Variants in MAPK3 observed in about 807,000 individuals in gnomAD.
MAPK3 encodes mitogen-activated protein kinase 3.
MAPK3 carries 30 observed loss-of-function variants against 41.8 expected under a neutral mutation model. The ratio of observed to expected loss-of-function variants is 0.72; its 90% confidence interval spans 0.54 to 0.97. The LOEUF is 0.97. Ranked by LOEUF, MAPK3 falls within the 50% of genes least tolerant of loss-of-function variation. The pLI, the probability that MAPK3 is intolerant of heterozygous loss-of-function variation, is 0.00. For missense variants in MAPK3, 413 were observed against 509.9 expected, an observed-to-expected ratio of 0.81 and a Z score of 1.83; for synonymous variants, 222 against 213.4, an observed-to-expected ratio of 1.04 and a Z score of -0.35.
intron 1 of MAPK3, 88 bp downstream of exon 1, chr16:30,122,952 C>G: frequency 8.3e-7 from 1 of 1,197,670 alleles, no homozygotes; most frequent in Non-Finnish European, 1.1e-6. Flanking sequence ...CGCGTCTCCA[C>G]GTCCCGGAAA....
rs2072955611 is a variant in MAPK3 at position 30,116,582 on chromosome 16, A to G, written c.*32+54T>C. On this transcript the variant is annotated intron_variant, in intron 8 of 8. Transcript: ENST00000263025. ...CAGATAGATATAGATATAGATATAC[A>G]GATATAGATATTTAGTATCAGGGTG... 3.9e-6 allele frequency: 6 copies of G among 1,529,824 alleles called. No homozygotes were observed. The Admixed American group carries it at 1.1e-4, about 27-fold the overall frequency. The allele number at this position is 1,529,824 out of a possible 1,614,324, so 94.8% of individuals were successfully genotyped here.
chr16:30,121,927 G>A lies in MAPK3; in HGVS notation c.250C>T (p.Arg84Cys), dbSNP rs781660515. The change falls in exon 2 of 9, where the codon CGC becomes TGC. Residue 84 changes from arginine (R) to cysteine (C), a missense_variant. This residue lies in a region of MAPK3 where 145 missense variants were observed against 133.0 expected (regional missense o/e 1.09). Coordinates refer to ENST00000263025, the MANE Select transcript of MAPK3 (RefSeq NM_002746.3). ...SPFEHQTYCQRTLREIQILLR... is the reference protein window; with the variant it reads ...SPFEHQTYCQCTLREIQILLR... ...AGGATCTGGATCTCCCGGAGCGTGC[G>A]CTGGCAGTAGGTCTGATGTTCGAAG... The A allele has an allele frequency of 1.9e-6, 3 of 1,614,160 alleles. No individual in the cohort carries two copies. Among genetic ancestry groups the A allele is most frequent in the Non-Finnish European group, 2.5e-6 (3 of 1,180,028 alleles).
At chr16:30,117,642 C>T (rs756379290) in intron 5 of MAPK3, 28 bp downstream of exon 5, 45 of 1,574,064 alleles carry the variant, frequency 2.9e-5, no homozygotes, top group Non-Finnish European at 3.6e-5. Context: ...CTAATCATCC[C>T]CAACTCAGCC....
chr16:30,122,721 G>C, intron 1 of MAPK3: 2 of 277,784 alleles, frequency 7.2e-6, no homozygotes, highest in Non-Finnish European at 1.4e-5. Flanking sequence ...GCCTCCCCGA[G>C]AGTACTCATC....
At chr16:30,116,484 TG>T (rs1031422101) in intron 8 of MAPK3, among the ~76,000 whole-genome samples, 151 bp downstream of exon 8, 1 of 152,190 alleles carries the variant, frequency 6.6e-6, no homozygotes, top group African/African-American at 2.4e-5. Flanking sequence ...CCCAGCCCCC[TG>T]GGCACTTCTG....
rs2072962880 is a variant in MAPK3 at position 30,116,954 on chromosome 16, G to A, written c.957C>T (p.Ile319=). The A allele has an allele frequency of 3.1e-6, 5 of 1,613,446 alleles. No homozygotes were observed. Among genetic ancestry groups the A allele is most frequent in the Non-Finnish European group, 4.2e-6 (5 of 1,179,644 alleles). The change falls in exon 7 of 9, where the codon ATC becomes ATT. Residue 319 remains isoleucine (I), a synonymous_variant. Transcript: ENST00000263025. ...RMLTFNPNKR[I]TVEEALAHPY... ...GGTGAGCCAGCGCTTCCTCCACTGT[G>A]ATCCGTTTATTGGGGTTAAAGGTTA...
chr16:30,118,939 G>C (rs1220656744), intron 2 of MAPK3, among the ~76,000 whole-genome samples: 1 of 151,918 alleles, frequency 6.6e-6, no homozygotes, highest in Non-Finnish European at 1.5e-5. Flanking sequence ...AGGAGTTTGA[G>C]ACCACCAGCC....
At chr16:30,116,835 GCCTA>G (rs748275344) in intron 7 of MAPK3, 45 bp from the exon 8 acceptor site, 86 of 1,613,346 alleles carry the variant, frequency 5.3e-5, no homozygotes, top group Middle Eastern at 3.3e-4. Context: ...CATGGGGGAT[GCCTA>G]CGTGCCCCCC....
Position 30,116,689 on chromosome 16 carries a change from G to C in MAPK3, c.1119C>G (p.Pro373=). The C allele has an allele frequency of 1.9e-6, 3 of 1,613,626 alleles. No individual in the cohort carries two copies. The highest frequency in any genetic ancestry group is 1.1e-5 in the South Asian group (1 of 91,062). The change falls in exon 8 of 9, where the codon CCC becomes CCG. Residue 373 remains proline, a synonymous_variant. Transcript: ENST00000263025. ...LIFQETARFQ[P]GVLEAP Reference sequence around the variant, plus strand: ...TGGGCTAGGGGGCCTCCAGCACTCCGGGCTGGAAGCGTGCTGTCTCCTGGA... The same window carrying C: ...TGGGCTAGGGGGCCTCCAGCACTCCCGGCTGGAAGCGTGCTGTCTCCTGGA...
Position 30,116,638 on chromosome 16 carries a change from G to A in MAPK3, c.*30C>T, listed in dbSNP as rs2072956344. ...GTGTGGGCCATGGAGACACTCACCA[G>A]GCCCCAGGGTGCAGAGATGTCTGTC... On this transcript the variant is annotated splice_region_variant and 3_prime_UTR_variant, in exon 8 of 9. Coordinates refer to ENST00000263025, the MANE Select transcript of MAPK3 (RefSeq NM_002746.3). 14 of 1,611,198 alleles carry A rather than the reference G, an allele frequency of 8.7e-6. No homozygotes were observed. The highest frequency in any genetic ancestry group is 1.2e-5 in the Non-Finnish European group (14 of 1,179,590).
chr16:30,119,136 T>G (rs61764211), intron 2 of MAPK3, among the ~76,000 whole-genome samples: 320 of 147,654 alleles, frequency 2.2e-3, no homozygotes, highest in Non-Finnish European at 3.1e-3. Flanking sequence ...AGTGAGACTC[T>G]GTCTCAAAAA....
chr16:30,119,709 C>T (rs1452787006), intron 2 of MAPK3, among the ~76,000 whole-genome samples: 3 of 152,208 alleles, frequency 2.0e-5, no homozygotes, highest in Admixed American at 2.0e-4. Flanking sequence ...CTCCCAACAG[C>T]ACACTCCCAC....
intron 5 of MAPK3, 88 bp downstream of exon 5, chr16:30,117,582 C>T (rs570881894): frequency 5.1e-5 from 51 of 999,378 alleles, no homozygotes; most frequent in Non-Finnish European, 5.8e-5. Context: ...GCACCCCACA[C>T]GTGGTGGTAT....
intron 6 of MAPK3, 26 bp from the exon 7 acceptor site, chr16:30,117,029 C>A (rs2151044925): frequency 6.3e-7 from 1 of 1,592,832 alleles, no homozygotes; most frequent in Non-Finnish European, 8.6e-7. Flanking sequence ...AGTCAGGGGT[C>A]ACAGGGAAGA....
At position 30,117,694 on chromosome 16, in the gene MAPK3, G is replaced by A. The variant is rs1476255269; in HGVS notation, c.751C>T (p.Leu251=). The change falls in exon 5 of 9, where the codon CTG becomes TTG. Residue 251 remains leucine, a synonymous_variant. Coordinates refer to ENST00000263025, the MANE Select transcript of MAPK3 (RefSeq NM_002746.3). ...CCCAGAATGTGGTTGAGCTGATCCA[G>A]GTAGTGCTTGCCAGGGAAGATGGGC... ...NRPIFPGKHY[L]DQLNHILGIL... The A allele has an allele frequency of 6.2e-7, 1 of 1,613,930 alleles. No individual in the cohort carries two copies. Among genetic ancestry groups the A allele is most frequent in the Admixed American group, 1.7e-5 (1 of 59,998 alleles).
chr16:30,119,984 C>G (rs1243471216), intron 2 of MAPK3, among the ~76,000 whole-genome samples: 1 of 152,136 alleles, frequency 6.6e-6, no homozygotes, highest in Non-Finnish European at 1.5e-5. Flanking sequence ...GCCTGGTGAA[C>G]AGGGCGAAAC....
intron 1 of MAPK3, 101 bp from the exon 2 acceptor site, chr16:30,122,107 G>A (rs573704520): frequency 6.7e-5 from 73 of 1,086,578 alleles, no homozygotes; most frequent in Non-Finnish European, 9.3e-5. Context: ...GAGAGCAGGA[G>A]CTGGCTCTGG....
At chr16:30,119,117 G>A (rs556454985) in intron 2 of MAPK3, among the ~76,000 whole-genome samples, 3 of 150,936 alleles carry the variant, frequency 2.0e-5, no homozygotes, top group South Asian at 2.1e-4. Context: ...ACTGCAGCCC[G>A]GATGACAGAG....
chr16:30,121,851 G>A lies in MAPK3; in HGVS notation c.326C>T (p.Ala109Val). Residue 109 changes from alanine to valine, a missense_variant, in exon 2 of 9, where the codon GCG becomes GTG. By Grantham distance (64) the Ala-to-Val change is moderately conservative (BLOSUM62 0). Around this residue, in one of 4 missense-constraint regions of MAPK3, gnomAD observed 140 missense variants for 206.0 expected, o/e 0.68. Coordinates refer to ENST00000263025, the MANE Select transcript of MAPK3 (RefSeq NM_002746.3). ...ATCTCTCATGGCTTCCAGGGTGGAC[G>A]CCCGCAGAATGTCTCGGATGCCGAT... ...NVIGIRDILRASTLEAMRDVY... is the reference protein window; with the variant it reads ...NVIGIRDILRVSTLEAMRDVY... The A allele has an allele frequency of 1.2e-6, 2 of 1,614,066 alleles. No individual in the cohort carries two copies. Among genetic ancestry groups the A allele is most frequent in the Non-Finnish European group, 1.7e-6 (2 of 1,180,008 alleles).
Sources: allele counts gnomAD v4.1 joint callset (sites outside exome capture counted in the v4.1 genomes callset), GRCh38; gene constraint gnomAD v4.1.1; regional missense constraint gnomAD v4.1.1; transcripts MANE v1.5; gene names NCBI Gene and HGNC (gene_info 2026-07-23, HGNC 2026-07-21).